Variants in SLC41A2 observed in about 807,000 individuals in gnomAD.
SLC41A2 encodes solute carrier family 41 member 2.
A neutral mutation model predicts 58.3 loss-of-function variants in SLC41A2; 32 were observed. The observed-to-expected ratio is 0.55, with a 90% CI of 0.41 to 0.74. The LOEUF (loss-of-function observed/expected upper bound fraction) is 0.74. Ranked by LOEUF, SLC41A2 falls within the 30% of genes least tolerant of loss-of-function variation. The probability of loss-of-function intolerance (pLI) is 0.00; values close to 1 mark genes in which losing one functional copy is unlikely to be tolerated. For missense variants in SLC41A2, 514 were observed against 680.6 expected, an observed-to-expected ratio of 0.76 and a Z score of 2.72; for synonymous variants, 190 against 235.0, an observed-to-expected ratio of 0.81 and a Z score of 1.75.
intron 1 of SLC41A2, among the ~76,000 whole-genome samples, chr12:104,932,624 CAAAAAAAAA>C (rs544329617): frequency 2.2e-5 from 1 of 46,068 alleles, no homozygotes; most frequent in African/African-American, 8.7e-5. Flanking sequence ...GACTTTGTCT[CAAAAAAAAA>C]AAAAAAAAAA....
At chr12:104,854,378 A>G (rs2042942797) in intron 8 of SLC41A2, among the ~76,000 whole-genome samples, 1 of 152,002 alleles carries the variant, frequency 6.6e-6, no homozygotes, top group Non-Finnish European at 1.5e-5. Flanking sequence ...CCTGGCTAAC[A>G]CGGTGAAACC....
At position 104,853,600 on chromosome 12, in the gene SLC41A2, A is replaced by G. The variant is rs911039152; in HGVS notation, c.1256-7626T>C. Among the ~76,000 whole-genome samples the G allele has an allele frequency of 2.0e-5, 3 of 152,112 alleles. No homozygotes were observed. In the East Asian group the frequency reaches 5.8e-4, roughly 29 times the overall value. On this transcript the variant is annotated intron_variant, in intron 8 of 10. Transcript: ENST00000258538. ...TATTTACCTCCCTAGTCCCTAATCC[A>G]TTACCTTTACCATTTCCCTCCCACT...
chr12:104,876,105 T>C (rs1200563020), intron 6 of SLC41A2, among the ~76,000 whole-genome samples: 3 of 151,896 alleles, frequency 2.0e-5, no homozygotes, highest in African/African-American at 7.3e-5. Flanking sequence ...TAGTGATCTT[T>C]TTTATTTCTG....
rs1221627819 is a variant in SLC41A2 at position 104,892,305 on chromosome 12, ATAAAATAAAAT to A, written c.735+2958_735+2968del. On this transcript the variant is annotated intron_variant, in intron 4 of 10. Coordinates refer to ENST00000258538, the MANE Select transcript of SLC41A2 (RefSeq NM_001352171.3). ...AACAAGACCTCATCTCAAAAAAAAA[ATAAAATAAAAT>A]AAAATAAAATAAAATAAAATATTGA... Among the ~76,000 whole-genome samples the A allele has an allele frequency of 9.7e-4, 135 of 138,558 alleles. 14 individuals carry two copies. Among genetic ancestry groups the A allele is most frequent in the African/African-American group, 4.0e-3 (133 of 32,940 alleles). 90.9% of individuals were successfully genotyped at this position (138,558 alleles called of 152,430 possible). A position where few individuals can be genotyped will look rare whatever the true frequency, so the allele number is the denominator to read the frequency against.
At chr12:104,923,825 A>C (rs77973124) in intron 2 of SLC41A2, among the ~76,000 whole-genome samples, 2,261 of 152,306 alleles carry the variant, frequency 0.015, 69 homozygotes, top group African/African-American at 0.051. Flanking sequence ...CTACACAAAA[A>C]TCCATTCCAG....
intron 10 of SLC41A2, among the ~76,000 whole-genome samples, chr12:104,821,268 C>T (rs2041626071): frequency 1.3e-5 from 2 of 151,912 alleles, no homozygotes; most frequent in Non-Finnish European, 2.9e-5. Flanking sequence ...CATTTAAAAA[C>T]CTTAATTTGA....
chr12:104,860,032 C>G (rs112019200), intron 8 of SLC41A2, among the ~76,000 whole-genome samples: 1 of 152,082 alleles, frequency 6.6e-6, no homozygotes, highest in Admixed American at 6.6e-5. Flanking sequence ...GATGAGCCAC[C>G]GTGCCCAACT....
rs113985669 is a variant in SLC41A2 at position 104,845,007 on chromosome 12, C to T, written c.1388-387G>A. 6.4e-4 allele frequency among the ~76,000 whole-genome samples: 97 copies of T among 152,126 alleles called. 1 individual carries two copies. The highest frequency in any genetic ancestry group is 2.0e-3 in the African/African-American group (85 of 41,496). ...TTCATTCAAAGGTCAATAATGGCCA[C>T]GCACAGTGGCTCACACCTGTAATCC... On this transcript the variant is annotated intron_variant, in intron 9 of 10. Transcript: ENST00000258538.
intron 2 of SLC41A2, among the ~76,000 whole-genome samples, chr12:104,927,094 T>A (rs757122831): frequency 2.0e-5 from 3 of 151,994 alleles, no homozygotes; most frequent in Non-Finnish European, 4.4e-5. Flanking sequence ...CCAATGTTGA[T>A]AGGGACATGA....
At chr12:104,811,476 ATAGTT>A (rs1566093252) in intron 10 of SLC41A2, among the ~76,000 whole-genome samples, 2 of 152,222 alleles carry the variant, frequency 1.3e-5, no homozygotes, top group Admixed American at 6.5e-5. Flanking sequence ...AGTATAATAA[ATAGTT>A]TAGTATAATG....
intron 5 of SLC41A2, among the ~76,000 whole-genome samples, chr12:104,887,104 A>C (rs1047044016): frequency 1.4e-4 from 22 of 152,006 alleles, no homozygotes; most frequent in African/African-American, 5.3e-4. Context: ...TAAATTATAC[A>C]AATGGGATAA....
intron 1 of SLC41A2, among the ~76,000 whole-genome samples, chr12:104,934,385 T>C (rs529748924): frequency 3.9e-5 from 6 of 152,214 alleles, no homozygotes; most frequent in Non-Finnish European, 7.3e-5. Context: ...GAAGCTTAGA[T>C]GGCTTAGGTT....
At chr12:104,892,802 A>C (rs958903074) in intron 4 of SLC41A2, among the ~76,000 whole-genome samples, 1 of 152,206 alleles carries the variant, frequency 6.6e-6, no homozygotes. Context: ...GGACATCTAC[A>C]TGCAGAAGAA....
chr12:104,954,248 T>C (rs766918230), intron 1 of SLC41A2, among the ~76,000 whole-genome samples: 2 of 152,250 alleles, frequency 1.3e-5, no homozygotes, highest in Non-Finnish European at 2.9e-5. Context: ...AGCAATCTGA[T>C]TAAATCCATT....
chr12:104,949,594 CTTTTTT>C (rs905518326), intron 1 of SLC41A2, among the ~76,000 whole-genome samples: 3 of 151,370 alleles, frequency 2.0e-5, no homozygotes, highest in Admixed American at 6.6e-5. Context: ...TAAACTTTTT[CTTTTTT>C]TAGACGGAGT....
chr12:104,903,522 G>A (rs2045660537), intron 3 of SLC41A2, among the ~76,000 whole-genome samples: 1 of 152,186 alleles, frequency 6.6e-6, no homozygotes, highest in Non-Finnish European at 1.5e-5. Flanking sequence ...CACCACTGGA[G>A]TTTCTAATTT....
At chr12:104,840,550 T>C (rs1267558856) in intron 10 of SLC41A2, among the ~76,000 whole-genome samples, 1 of 152,198 alleles carries the variant, frequency 6.6e-6, no homozygotes, top group Non-Finnish European at 1.5e-5. Flanking sequence ...GCAATGTGAT[T>C]GGTGGTATGT....
intron 2 of SLC41A2, among the ~76,000 whole-genome samples, chr12:104,917,728 A>T (rs1336346840): frequency 6.7e-6 from 1 of 149,894 alleles, no homozygotes; most frequent in African/African-American, 2.4e-5. Flanking sequence ...AGGACAAAAA[A>T]CCAAACACCG....
At chr12:104,925,056 T>C (rs775493022) in intron 2 of SLC41A2, among the ~76,000 whole-genome samples, 26 of 151,994 alleles carry the variant, frequency 1.7e-4, no homozygotes, top group Non-Finnish European at 2.5e-4. Flanking sequence ...CCTTTGGTGA[T>C]GGGGACAAAA....
Sources: gnomAD v4.1 joint callset for allele counts (sites outside exome capture counted in the v4.1 genomes callset) on GRCh38, gnomAD v4.1.1 for gene constraint, MANE v1.5 for transcripts, NCBI Gene and HGNC (gene_info 2026-07-23, HGNC 2026-07-21) for gene names.